NSD2: variants seen among roughly 807,000 people sequenced by gnomAD.
NSD2 encodes the protein nuclear receptor binding SET domain protein 2, also known as histone-lysine N-methyltransferase NSD2.
NSD2 carries 12 observed loss-of-function variants against 139.0 expected under a neutral mutation model. That is an observed-to-expected ratio of 0.09 (90% CI 0.06 to 0.14). NSD2 has a LOEUF of 0.14. NSD2 is among the 10% of genes least tolerant of loss of function. NSD2 has a pLI of 1.00. For missense variants in NSD2, 1,155 were observed against 1,745.0 expected, an observed-to-expected ratio of 0.66 and a Z score of 6.02; for synonymous variants, 669 against 648.7, an observed-to-expected ratio of 1.03 and a Z score of -0.48.
chr4:1,883,109 C>A (rs1714823601), intron 1 of NSD2, among the ~76,000 whole-genome samples: 2 of 152,076 alleles, frequency 1.3e-5, no homozygotes, highest in African/African-American at 4.8e-5. Context: ...AGGGGAAGTT[C>A]TGGTGCCAGT....
In NSD2 at chr4:1,935,173, A is replaced by G; in HGVS notation, c.1585A>G (p.Thr529Ala). 6.2e-7 allele frequency: 1 copy of G among 1,612,888 alleles called. No individual in the cohort carries two copies. Among genetic ancestry groups the G allele is most frequent in the Admixed American group, 1.7e-5 (1 of 59,904 alleles). Residue 529 changes from threonine (T) to alanine (A), a missense_variant, in exon 7 of 22, where the codon ACA becomes GCA. Thr to Ala is a moderately conservative substitution (Grantham distance 58). Coordinates refer to ENST00000508803, the MANE Select transcript of NSD2 (RefSeq NM_001042424.3). Reference sequence around the variant, plus strand: ...TGTAAATGGGAAAAAAAGAAACCACACAAAGAGGATACAGGACCCTACAGA... The same window carrying G: ...TGTAAATGGGAAAAAAAGAAACCACGCAAAGAGGATACAGGACCCTACAGA... ...GNVNGKKRNH[T>A]KRIQDPTEDA... is the part of the protein sequence containing the mutation.
At chr4:1,884,382 C>T (rs1031491026) in intron 1 of NSD2, among the ~76,000 whole-genome samples, 7 of 150,464 alleles carry the variant, frequency 4.7e-5, no homozygotes, top group Non-Finnish European at 8.8e-5. Context: ...CAAGTGTGAG[C>T]CACCGCAGGC....
chr4:1,946,444 T>C (rs1723641142), intron 9 of NSD2: 1 of 541,404 alleles, frequency 1.8e-6, no homozygotes, highest in African/African-American at 2.1e-5. Context: ...TTTTTTTTTG[T>C]ATTTTTAGTA....
At chr4:1,928,062 A>C (rs1223342448) in intron 5 of NSD2, among the ~76,000 whole-genome samples, 1 of 151,746 alleles carries the variant, frequency 6.6e-6, no homozygotes, top group Non-Finnish European at 1.5e-5. Context: ...ACTAATTTAA[A>C]AATAATTTCT....
At chr4:1,960,079 G>A (rs1231184631) in intron 17 of NSD2, among the ~76,000 whole-genome samples, 1 of 151,800 alleles carries the variant, frequency 6.6e-6, no homozygotes, top group African/African-American at 2.4e-5. Context: ...GGCTCATTTC[G>A]AACTCCTGGC....
At chr4:1,909,916 G>A (rs1317464601) in intron 3 of NSD2, among the ~76,000 whole-genome samples, 3 of 151,614 alleles carry the variant, frequency 2.0e-5, no homozygotes, top group Non-Finnish European at 4.4e-5. Context: ...TGTGATTACA[G>A]GCGTGAGTCA....
At chr4:1,957,721 G>C (rs1042203595) in intron 15 of NSD2, among the ~76,000 whole-genome samples, 2 of 152,102 alleles carry the variant, frequency 1.3e-5, no homozygotes, top group Admixed American at 6.6e-5. Flanking sequence ...GTAGAGAGGT[G>C]ATGGCTGTTC....
chr4:1,874,123 A>G (rs1714077460), intron 1 of NSD2, among the ~76,000 whole-genome samples: 2 of 152,288 alleles, frequency 1.3e-5, no homozygotes, highest in Admixed American at 6.5e-5. Context: ...TTTTACTCAT[A>G]TATTCTGATC....
At chr4:1,932,781 C>A (rs189276047) in intron 6 of NSD2, among the ~76,000 whole-genome samples, 1 of 152,238 alleles carries the variant, frequency 6.6e-6, no homozygotes, top group African/African-American at 2.4e-5. Flanking sequence ...ATACAGATGC[C>A]CCTGTTGCTT....
intron 5 of NSD2, among the ~76,000 whole-genome samples, chr4:1,928,904 G>A (rs1455900475): frequency 6.6e-6 from 1 of 152,134 alleles, no homozygotes; most frequent in African/African-American, 2.4e-5. Flanking sequence ...TGGGCTCATG[G>A]AGTGAGTCAT....
Position 1,916,881 on chromosome 4 carries a change from G to A in NSD2, c.771G>A (p.Lys257=). 6.3e-7 allele frequency: 1 copy of A among 1,596,146 alleles called. No homozygotes were observed. Among genetic ancestry groups the A allele is most frequent in the Non-Finnish European group, 8.5e-7 (1 of 1,174,238 alleles). Residue 257 remains lysine, a synonymous_variant, in exon 4 of 22, where the codon AAG becomes AAA. Transcript: ENST00000508803. ...TATTTTAAAAACTAGGTCAGAAAAAGAGTGCACGCCAGTATCACGTACAGT... is the reference window on the plus strand; with the variant it reads ...TATTTTAAAAACTAGGTCAGAAAAAAAGTGCACGCCAGTATCACGTACAGT... The part of the protein sequence containing the change: ...HSYTKLKGQK[K]SARQYHVQFF...
At chr4:1,909,765 C>T (rs530533885) in intron 3 of NSD2, among the ~76,000 whole-genome samples, 6 of 151,720 alleles carry the variant, frequency 4.0e-5, no homozygotes, top group Non-Finnish European at 7.4e-5. Context: ...CTCAGCCTCC[C>T]GAGTAGCTGG....
chr4:1,899,536 C>T (rs1716887444), intron 1 of NSD2: 1 of 152,302 alleles, frequency 6.6e-6, no homozygotes, highest in Non-Finnish European at 1.5e-5. Context: ...CTCAGATTTT[C>T]CCTAGTGTCT....
At chr4:1,907,219 G>A (rs996433248) in intron 3 of NSD2, among the ~76,000 whole-genome samples, 1 of 152,084 alleles carries the variant, frequency 6.6e-6, no homozygotes, top group South Asian at 2.1e-4. Flanking sequence ...CCGGATGCTC[G>A]TATTAGCAAT....
intron 3 of NSD2, among the ~76,000 whole-genome samples, chr4:1,912,636 T>C (rs1718833803): frequency 1.3e-5 from 2 of 152,010 alleles, no homozygotes; most frequent in East Asian, 1.9e-4. Flanking sequence ...TAAAAAAAAA[T>C]GAAAACCTGG....
chr4:1,938,111 C>T (rs903133872), intron 7 of NSD2, among the ~76,000 whole-genome samples: 1 of 152,148 alleles, frequency 6.6e-6, no homozygotes, highest in Non-Finnish European at 1.5e-5. Flanking sequence ...CAATAAGACT[C>T]GTATCAGGTG....
At chr4:1,926,545 A>T (rs1334137269) in intron 5 of NSD2, among the ~76,000 whole-genome samples, 1 of 151,868 alleles carries the variant, frequency 6.6e-6, no homozygotes, top group Admixed American at 6.6e-5. Context: ...ATCACAGCTC[A>T]CTGCAACCTC....
intron 1 of NSD2, among the ~76,000 whole-genome samples, chr4:1,876,175 C>T (rs941707531): frequency 4.6e-5 from 7 of 151,932 alleles, no homozygotes; most frequent in African/African-American, 1.7e-4. Context: ...GATCGCGCCA[C>T]TGCCCTCCAC....
chr4:1,934,878 A>ATATATAT (rs61664298), intron 6 of NSD2, among the ~76,000 whole-genome samples: 1 of 22,060 alleles, frequency 4.5e-5, no homozygotes, highest in African/African-American at 2.1e-4. Context: ...AAAAAAAAAA[A>ATATATAT]ATATATATAT....
Sources: gnomAD v4.1 joint callset for allele counts (sites outside exome capture counted in the v4.1 genomes callset) on GRCh38, gnomAD v4.1.1 for gene constraint, MANE v1.5 for transcripts, NCBI Gene and HGNC (gene_info 2026-07-23, HGNC 2026-07-21) for gene names.